ADGRL3: variants seen among roughly 807,000 people sequenced by gnomAD.
The protein encoded by ADGRL3 is calcium-independent alpha-latrotoxin receptor 3.
In ADGRL3, 62 loss-of-function variants were observed where a neutral mutation model predicts 153.5. The ratio of observed to expected loss-of-function variants is 0.40; its 90% CI spans 0.33 to 0.50. The LOEUF is 0.50. Among genes scored for constraint, ADGRL3 ranks in the 20% least tolerant of loss-of-function variants. The pLI, the probability that ADGRL3 is intolerant of heterozygous loss-of-function variation, is 0.47. For missense variants in ADGRL3, 1,641 were observed against 1,859.4 expected (o/e 0.88, Z 2.16); for synonymous variants, 710 against 672.5 (o/e 1.06, Z -0.86).
rs556865034 is a variant in ADGRL3, at chr4:62,027,580, A to C, written c.3396-1275A>C. On this transcript the variant is annotated intron_variant, in intron 21 of 26. Coordinates refer to ENST00000683033, the MANE Select transcript of ADGRL3 (RefSeq NM_001387552.1). ...TCAGCCACATCTATTTTACTGCATC[A>C]TATTACTCCTGAAATATCCTTAAAT... 7.9e-5 allele frequency among the ~76,000 whole-genome samples: 12 copies of C among 152,082 alleles called. No individual in the cohort carries two copies. In the South Asian group the frequency reaches 2.1e-3, roughly 26 times the overall value.
chr4:61,298,077 A>T (rs902030550), intron 1 of ADGRL3, among the ~76,000 whole-genome samples: 4 of 152,212 alleles, frequency 2.6e-5, no homozygotes, highest in African/African-American at 9.6e-5. Flanking sequence ...ACTAGCATAT[A>T]TAACATTCAG....
intron 8 of ADGRL3, among the ~76,000 whole-genome samples, chr4:61,746,698 A>G (rs190842569): frequency 6.6e-6 from 1 of 152,362 alleles, no homozygotes; most frequent in East Asian, 1.9e-4. Flanking sequence ...TCTGGGACAT[A>G]TTCAAAGCAG....
Position 62,075,797 on chromosome 4 carries a change from A to G in ADGRL3, c.*4889A>G, listed in dbSNP as rs146216125. 6.1e-4 allele frequency: 93 copies of G among 152,324 alleles called. No individual in the cohort carries two copies. The East Asian group carries it at 0.015, about 25-fold the overall frequency. The allele number at this position is 152,324 out of a possible 1,614,324, so 9.4% of individuals were successfully genotyped here. On this transcript the variant is annotated 3_prime_UTR_variant, in exon 27 of 27. Coordinates refer to ENST00000683033, the MANE Select transcript of ADGRL3 (RefSeq NM_001387552.1). Reference sequence around the variant, plus strand: ...TTTCTGAGCTCATAAAATATATTCAATGGATCCCAACATTAAATTTAACTT... The same window carrying G: ...TTTCTGAGCTCATAAAATATATTCAGTGGATCCCAACATTAAATTTAACTT...
chr4:61,895,724 A>T lies in ADGRL3; in HGVS notation c.1784-7A>T. The T allele has an allele frequency of 6.7e-7, 1 of 1,487,908 alleles. No individual in the cohort carries two copies. The allele number at this position is 1,487,908 out of a possible 1,614,324, so 92.2% of individuals were successfully genotyped here. On this transcript the variant is annotated splice_polypyrimidine_tract_variant and splice_region_variant and intron_variant, in intron 10 of 26. Transcript: ENST00000683033. ...AAGAAACAGATACATTTCTCTCATT[A>T]TTACAGGTGTATCAACTTATCTATG...
At chr4:61,672,870 A>T (rs185845321) in intron 5 of ADGRL3, among the ~76,000 whole-genome samples, 1 of 152,180 alleles carries the variant, frequency 6.6e-6, no homozygotes, top group Admixed American at 6.5e-5. Flanking sequence ...AGATATCTGT[A>T]GTCTCACGTT....
In ADGRL3 at chr4:61,938,049, A is replaced by G. The variant is rs868765285; in HGVS notation, c.2419+2004A>G. ...TGGGATTGCAGGCATAAGTCATCAC[A>G]CCCAGCCTGTTTTTGTTTTTGTTTG... is the stretch of plus-strand genomic sequence containing the variant. On this transcript the variant is annotated intron_variant, in intron 15 of 26. Transcript: ENST00000683033. 5.3e-5 allele frequency among the ~76,000 whole-genome samples: 8 copies of G among 152,034 alleles called. No homozygotes were observed. In the South Asian group the frequency reaches 1.0e-3, roughly 20 times the overall value.
intron 1 of ADGRL3, among the ~76,000 whole-genome samples, chr4:61,240,564 T>A (rs1017651505): frequency 6.6e-6 from 1 of 152,162 alleles, no homozygotes; most frequent in Non-Finnish European, 1.5e-5. Context: ...CTGTAATTTT[T>A]AACTCTTTTA....
At chr4:61,485,909 G>A (rs575785956) in intron 2 of ADGRL3, among the ~76,000 whole-genome samples, 16 of 58,106 alleles carry the variant, frequency 2.8e-4, no homozygotes, top group African/African-American at 7.3e-4. Flanking sequence ...CTCAGCTATG[G>A]AATGCTTTTT....
intron 8 of ADGRL3, among the ~76,000 whole-genome samples, chr4:61,801,429 G>A (rs1257426925): frequency 1.3e-5 from 2 of 151,960 alleles, no homozygotes; most frequent in African/African-American, 4.8e-5. Context: ...ATTAAGAGTG[G>A]ATTTAAACTC....
At chr4:61,684,598 C>T (rs1414617111) in intron 6 of ADGRL3, among the ~76,000 whole-genome samples, 2 of 151,986 alleles carry the variant, frequency 1.3e-5, no homozygotes, top group African/African-American at 2.4e-5. Context: ...GGGTAGTGGT[C>T]GTGGGCCAGA....
intron 4 of ADGRL3, among the ~76,000 whole-genome samples, chr4:61,523,437 C>A (rs978473940): frequency 6.6e-6 from 1 of 151,988 alleles, no homozygotes; most frequent in African/African-American, 2.4e-5. Flanking sequence ...CAGGTAAAAT[C>A]CCCTGTTCAC....
chr4:61,970,038 T>A (rs921313260), intron 17 of ADGRL3, among the ~76,000 whole-genome samples: 20 of 152,176 alleles, frequency 1.3e-4, no homozygotes, highest in Admixed American at 1.1e-3. Flanking sequence ...GGCAGTTGGT[T>A]GCCCTATTAT....
At chr4:61,804,886 C>T (rs376886022) in intron 8 of ADGRL3, among the ~76,000 whole-genome samples, 14 of 152,042 alleles carry the variant, frequency 9.2e-5, no homozygotes, top group Non-Finnish European at 1.6e-4. Context: ...GTTAGCATTT[C>T]GTTGCAATCC....
At chr4:61,935,431 A>T (rs2098834448) in intron 14 of ADGRL3, among the ~76,000 whole-genome samples, 1 of 152,160 alleles carries the variant, frequency 6.6e-6, no homozygotes, top group African/African-American at 2.4e-5. Context: ...TGAAAATGAT[A>T]AAACAGTGTT....
At chr4:61,616,028 T>C (rs1560940494) in intron 5 of ADGRL3, among the ~76,000 whole-genome samples, 1 of 152,058 alleles carries the variant, frequency 6.6e-6, no homozygotes, top group Non-Finnish European at 1.5e-5. Flanking sequence ...GGGAAAACAT[T>C]GCAAACATTG....
At chr4:61,644,403 T>C (rs2093854094) in intron 5 of ADGRL3, among the ~76,000 whole-genome samples, 1 of 152,156 alleles carries the variant, frequency 6.6e-6, no homozygotes, top group Non-Finnish European at 1.5e-5. Context: ...TTTAGATCTT[T>C]CCTGCTTTCT....
chr4:61,736,214 G>C, intron 8 of ADGRL3, among the ~76,000 whole-genome samples: 1 of 151,842 alleles, frequency 6.6e-6, no homozygotes. Context: ...CATATGGGGG[G>C]GTAAGAGAAT....
intron 1 of ADGRL3, among the ~76,000 whole-genome samples, chr4:61,291,875 T>G (rs932017212): frequency 6.9e-6 from 1 of 145,740 alleles, no homozygotes; most frequent in Admixed American, 7.1e-5. Flanking sequence ...TTACATCTAG[T>G]ATGCATTCTT....
intron 4 of ADGRL3, among the ~76,000 whole-genome samples, chr4:61,528,575 T>C (rs2098591240): frequency 6.6e-6 from 1 of 152,114 alleles, no homozygotes; most frequent in Non-Finnish European, 1.5e-5. Context: ...TAGCCTACCA[T>C]ACTGAGTAAG....
Sources: allele counts gnomAD v4.1 joint callset (sites outside exome capture counted in the v4.1 genomes callset), GRCh38; gene constraint gnomAD v4.1.1; transcripts MANE v1.5; gene names NCBI Gene and HGNC (gene_info 2026-07-23, HGNC 2026-07-21).